CNN2: variants seen among roughly 807,000 people sequenced by gnomAD.
CNN2 encodes calponin-2.
A neutral mutation model predicts 31.0 loss-of-function variants in CNN2; 21 were observed. That is an observed-to-expected ratio of 0.68 (90% confidence interval 0.48 to 0.98). The LOEUF (loss-of-function observed/expected upper bound fraction) is 0.98, where lower values mean the gene tolerates loss of function less well. CNN2 is among the 50% of genes least tolerant of loss of function. CNN2 has a pLI of 0.00. For synonymous variants in CNN2, 165 were observed against 179.6 expected (o/e 0.92, Z 0.65); for missense variants, 399 against 427.3 (o/e 0.93, Z 0.58).
In CNN2 at chr19:1,037,842, C is replaced by T. The variant is rs368161550; in HGVS notation, c.872C>T (p.Pro291Leu). ...DGAPSGTGDC[P>L]DPGEVPEYPP... ...GCTCCCTCGGGCACCGGCGACTGCC[C>T]GGACCCGGGGGAGGTCCCTGAATAT... is the stretch of plus-strand genomic sequence containing the variant. The change falls in exon 7 of 7, where the codon CCG becomes CTG. Residue 291 changes from proline (P) to leucine (L), a missense_variant. Coordinates refer to ENST00000263097, the MANE Select transcript of CNN2 (RefSeq NM_004368.4). The T allele has an allele frequency of 1.6e-5, 25 of 1,606,044 alleles. No homozygotes were observed. The highest frequency in any genetic ancestry group is 1.0e-4 in the Admixed American group (6 of 59,888).
intron 1 of CNN2, among the ~76,000 whole-genome samples, chr19:1,030,300 G>A (rs1035509462): frequency 3.3e-5 from 5 of 152,168 alleles, no homozygotes; most frequent in African/African-American, 1.2e-4. Flanking sequence ...GAGGCGGTCA[G>A]CCTCGGGGGC....
At chr19:1,027,466 G>C (rs1257340295) in intron 1 of CNN2, among the ~76,000 whole-genome samples, 1 of 152,232 alleles carries the variant, frequency 6.6e-6, no homozygotes, top group African/African-American at 2.4e-5. Flanking sequence ...CTTGAGCCCA[G>C]CGAGTTCGAG....
chr19:1,030,625 C>G (rs981012596), intron 1 of CNN2, among the ~76,000 whole-genome samples: 2 of 150,566 alleles, frequency 1.3e-5, no homozygotes, highest in African/African-American at 4.9e-5. Context: ...GACTCTGTCT[C>G]AAAAAAAATA....
rs1304645762 is a variant in CNN2 at position 1,037,749 on chromosome 19, A to G, written c.779A>G (p.Gln260Arg). The G allele has an allele frequency of 6.2e-7, 1 of 1,611,734 alleles. No individual in the cohort carries two copies. The highest frequency in any genetic ancestry group is 1.7e-5 in the Admixed American group (1 of 60,036). Residue 260 changes from glutamine (Q) to arginine (R), a missense_variant, in exon 7 of 7, where the codon CAG becomes CGG. Physicochemically the swap from Gln to Arg is conservative, Grantham distance 43 (BLOSUM62 1). Coordinates refer to ENST00000263097, the MANE Select transcript of CNN2 (RefSeq NM_004368.4). Reference protein sequence around the residue: ...GYTQGANQSGQVFGLGRQIYD... With the variant: ...GYTQGANQSGRVFGLGRQIYD... ...ACGCAGGGCGCCAACCAGAGCGGCCAGGTCTTCGGCCTGGGCCGGCAGATA... is the reference window on the plus strand; with the variant it reads ...ACGCAGGGCGCCAACCAGAGCGGCCGGGTCTTCGGCCTGGGCCGGCAGATA...
Position 1,032,005 on chromosome 19 carries a change from G to A in CNN2, c.186-387G>A, listed in dbSNP as rs535033648. ...AGCACTTTGGGAGGTTGAGGTGGAC[G>A]GATCACGAGGTCAGGAGATCGAGAC... is the stretch of plus-strand genomic sequence containing the variant. On this transcript the variant is annotated intron_variant, in intron 2 of 6. Coordinates refer to ENST00000263097, the MANE Select transcript of CNN2 (RefSeq NM_004368.4). Among the ~76,000 whole-genome samples, 6 of 151,980 alleles carry A rather than the reference G, an allele frequency of 3.9e-5. No individual in the cohort carries two copies. The South Asian group carries it at 1.2e-3, about 32-fold the overall frequency.
chr19:1,031,514 G>A (rs577641742), intron 2 of CNN2, among the ~76,000 whole-genome samples: 5 of 122,364 alleles, frequency 4.1e-5, no homozygotes, highest in East Asian at 2.5e-4. Flanking sequence ...GCAGTGAGCC[G>A]AGATCACACC....
chr19:1,030,641 G>T (rs538217662), intron 1 of CNN2, among the ~76,000 whole-genome samples: 2 of 152,142 alleles, frequency 1.3e-5, no homozygotes, highest in East Asian at 1.9e-4. Context: ...AAATAAAAAA[G>T]AAAAAAGAGC....
intron 1 of CNN2, 92 bp downstream of exon 1, chr19:1,026,816 G>A (rs2039403777): frequency 1.6e-6 from 2 of 1,282,980 alleles, no homozygotes; most frequent in Non-Finnish European, 2.1e-6. Context: ...GGCACCTCCC[G>A]GGCAGGGAGC....
intron 6 of CNN2, chr19:1,036,794 T>A (rs11672975): frequency 0.17 from 103,094 of 616,012 alleles, 9,621 homozygotes; most frequent in Non-Finnish European, 0.2. Context: ...CCTGTGTCAT[T>A]TTCCCTTAAG....
chr19:1,031,338 T>TGGG, intron 2 of CNN2, 146 bp downstream of exon 2: 1 of 33,994 alleles, frequency 2.9e-5, no homozygotes, highest in Admixed American at 5.2e-4. Context: ...CCGAGGGTGG[T>TGGG]GGCGGGGGGC....
chr19:1,036,463 C>T lies in CNN2; in HGVS notation c.555C>T (p.Gly185=), dbSNP rs1161948733. 4 of 1,612,970 alleles carry T rather than the reference C, an allele frequency of 2.5e-6. No individual in the cohort carries two copies. In the African/African-American group the frequency reaches 5.3e-5, roughly 22 times the overall value. The part of the protein sequence containing the change: ...CASQSGMTAY[G]TRRHLYDPKN... ...GCCAGTCGGGCATGACTGCCTACGGCACGAGAAGGCATCTCTATGACCCCA... is the reference window on the plus strand; with the variant it reads ...GCCAGTCGGGCATGACTGCCTACGGTACGAGAAGGCATCTCTATGACCCCA... Residue 185 remains glycine, a synonymous_variant, in exon 6 of 7, where the codon GGC becomes GGT. Transcript: ENST00000263097.
chr19:1,030,999 G>A, intron 1 of CNN2, 72 bp from the exon 2 acceptor site: 1 of 1,535,742 alleles, frequency 6.5e-7, no homozygotes, highest in Non-Finnish European at 8.8e-7. Flanking sequence ...CCCACCCTCT[G>A]CAGAGCTTCT....
At chr19:1,029,328 G>C (rs527249040) in intron 1 of CNN2, among the ~76,000 whole-genome samples, 167 of 69,316 alleles carry the variant, frequency 2.4e-3, no homozygotes, top group Admixed American at 5.9e-3. Context: ...GCAGGTCCAG[G>C]TCAGGGGACC....
chr19:1,036,389 T>C (rs774009712), intron 5 of CNN2, 27 bp from the exon 6 acceptor site: 1 of 1,610,908 alleles, frequency 6.2e-7, no homozygotes, highest in Admixed American at 1.7e-5. Context: ...GGGTGCAGTC[T>C]GACCTCTCCC....
At chr19:1,030,490 G>A (rs2039470678) in intron 1 of CNN2, among the ~76,000 whole-genome samples, 1 of 152,128 alleles carries the variant, frequency 6.6e-6, no homozygotes, top group Non-Finnish European at 1.5e-5. Context: ...GCTGGGCCTG[G>A]TGGCGGGCGC....
At chr19:1,033,191 G>A (rs78749443) in intron 4 of CNN2, among the ~76,000 whole-genome samples, 6,264 of 152,214 alleles carry the variant, frequency 0.041, 182 homozygotes, top group East Asian at 0.11. Context: ...GCGGAGGCAT[G>A]CAAAAGTGAA....
intron 1 of CNN2, among the ~76,000 whole-genome samples, chr19:1,028,312 T>C (rs1265779241): frequency 1.3e-5 from 2 of 151,826 alleles, no homozygotes; most frequent in Non-Finnish European, 2.9e-5. Flanking sequence ...GGACAGAGGC[T>C]GGAAGAGCCG....
At chr19:1,033,524 A>C (rs1237445240) in intron 4 of CNN2, among the ~76,000 whole-genome samples, 1 of 152,242 alleles carries the variant, frequency 6.6e-6, no homozygotes, top group Non-Finnish European at 1.5e-5. Context: ...CAAAAGTAAT[A>C]AATAAGCTCT....
intron 1 of CNN2, among the ~76,000 whole-genome samples, chr19:1,029,794 G>A (rs1429313301): frequency 6.6e-6 from 1 of 151,850 alleles, no homozygotes; most frequent in African/African-American, 2.4e-5. Flanking sequence ...CTGCCTCCTG[G>A]GTTCAAGCGA....
Sources: allele counts gnomAD v4.1 joint callset (sites outside exome capture counted in the v4.1 genomes callset), GRCh38; gene constraint gnomAD v4.1.1; transcripts MANE v1.5; gene names NCBI Gene and HGNC (gene_info 2026-07-23, HGNC 2026-07-21).